PDLIM4: variants seen among roughly 807,000 people sequenced by gnomAD.
The protein encoded by PDLIM4 is PDZ and LIM domain protein 4.
Under a neutral mutation model 31.3 loss-of-function variants are expected in PDLIM4, and 19 were observed. The ratio of observed to expected loss-of-function variants is 0.61; its 90% confidence interval spans 0.42 to 0.89. PDLIM4 has a LOEUF of 0.89. Ranked by LOEUF, PDLIM4 falls within the 40% of genes least tolerant of loss-of-function variation. The pLI is 0.00. For synonymous variants in PDLIM4, 176 were observed against 190.1 expected (o/e 0.93, Z 0.61); for missense variants, 442 against 461.1 (o/e 0.96, Z 0.38).
rs916189842 is a variant in PDLIM4 at position 132,272,625 on chromosome 5, G to A, written c.*396G>A. 1.3e-5 allele frequency: 4 copies of A among 297,650 alleles called. No homozygotes were observed. Among genetic ancestry groups the A allele is most frequent in the Non-Finnish European group, 2.7e-5 (4 of 150,804 alleles). 18.4% of individuals were successfully genotyped at this position (297,650 alleles called of 1,614,324 possible). On this transcript the variant is annotated 3_prime_UTR_variant, in exon 7 of 7. Coordinates refer to ENST00000253754, the MANE Select transcript of PDLIM4 (RefSeq NM_003687.4). ...TAGCTGAGAACTAAGAGATGAGGGA[G>A]GCACAAACTCTGCACGGGGGAACTG...
rs1756592957 is a variant in PDLIM4 at position 132,270,931 on chromosome 5, C to A, written c.344C>A (p.Thr115Asn). The A allele has an allele frequency of 6.2e-7, 1 of 1,613,988 alleles. No homozygotes were observed. The highest frequency in any genetic ancestry group is 1.7e-5 in the Admixed American group (1 of 59,994). ...CTCTAATAGGACGGCAGCCCAACAA[C>A]CAGCAGGCGGCCCTCAGGCACCGGG... ...DPEIQDGSPT[T>N]SRRPSGTGTG... Residue 115 changes from threonine (T) to asparagine (N), a missense_variant, in exon 4 of 7, where the codon ACC becomes AAC. Thr to Asn is a moderately conservative substitution (Grantham distance 65). Coordinates refer to ENST00000253754, the MANE Select transcript of PDLIM4 (RefSeq NM_003687.4).
rs577513098 is a variant in PDLIM4, at chr5:132,265,708, C to T, written c.246-756C>T. On this transcript the variant is annotated intron_variant, in intron 2 of 6. Coordinates refer to ENST00000253754, the MANE Select transcript of PDLIM4 (RefSeq NM_003687.4). ...AGGGCATTATTCCCCTTTGGTCTAACCAGCCTCACCTCATACCCACCTGCC... is the reference window on the plus strand; with the variant it reads ...AGGGCATTATTCCCCTTTGGTCTAATCAGCCTCACCTCATACCCACCTGCC... Among the ~76,000 whole-genome samples, 3 of 152,326 alleles carry T rather than the reference C, an allele frequency of 2.0e-5. No individual in the cohort carries two copies. The East Asian group carries it at 5.8e-4, about 29-fold the overall frequency.
Position 132,272,106 on chromosome 5 carries a change from G to A in PDLIM4, c.870G>A (p.Gln290=), listed in dbSNP as rs1756637189. The A allele has an allele frequency of 1.2e-6, 2 of 1,614,130 alleles. No individual in the cohort carries two copies. The highest frequency in any genetic ancestry group is 1.7e-5 in the Admixed American group (1 of 60,018). ...GTGACTGCGGCCTGAACCTCAAGCA[G>A]CGTGGTTACTTCTTTCTGGACGAGC... ...MCSDCGLNLK[Q]RGYFFLDERL... The change falls in exon 7 of 7, where the codon CAG becomes CAA. Residue 290 remains glutamine, a synonymous_variant. Transcript: ENST00000253754.
At chr5:132,270,447 C>G (rs556629979) in intron 3 of PDLIM4, 7 of 163,394 alleles carry the variant, frequency 4.3e-5, no homozygotes, top group Admixed American at 1.2e-4. Context: ...ACAGGAGTTA[C>G]GTTTTTTGAG....
At chr5:132,267,446 A>G (rs1756515931) in intron 3 of PDLIM4, among the ~76,000 whole-genome samples, 1 of 152,208 alleles carries the variant, frequency 6.6e-6, no homozygotes, top group South Asian at 2.1e-4. Context: ...CCAGATGCTT[A>G]CCACCTTCCA....
At chr5:132,270,036 T>C (rs1342291864) in intron 3 of PDLIM4, among the ~76,000 whole-genome samples, 2 of 152,234 alleles carry the variant, frequency 1.3e-5, no homozygotes, top group African/African-American at 4.8e-5. Flanking sequence ...CCTGTTTACA[T>C]TGCTGTGGGG....
chr5:132,271,932 C>T lies in PDLIM4; in HGVS notation c.788+24C>T, dbSNP rs1251220115. The T allele has an allele frequency of 8.8e-6, 14 of 1,592,600 alleles. No homozygotes were observed. In the Admixed American group the frequency reaches 2.0e-4, roughly 23 times the overall value. ...GTGTGAGTAACCGCCCCCGCTGCCC[C>T]TCCCGGACCCTAGCCTTCCAGGGCC... On this transcript the variant is annotated intron_variant, in intron 6 of 6. Transcript: ENST00000253754.
Position 132,272,109 on chromosome 5 carries a change from T to C in PDLIM4, c.873T>C (p.Arg291=). 6.2e-7 allele frequency: 1 copy of C among 1,614,134 alleles called. No homozygotes were observed. The highest frequency in any genetic ancestry group is 8.5e-7 in the Non-Finnish European group (1 of 1,179,996). ...CSDCGLNLKQ[R]GYFFLDERLY... ...ACTGCGGCCTGAACCTCAAGCAGCG[T>C]GGTTACTTCTTTCTGGACGAGCGGC... The change falls in exon 7 of 7, where the codon CGT becomes CGC. Residue 291 remains arginine (R), a synonymous_variant. Transcript: ENST00000253754.
At chr5:132,265,330 A>G (rs1208177008) in intron 2 of PDLIM4, among the ~76,000 whole-genome samples, 2 of 152,218 alleles carry the variant, frequency 1.3e-5, no homozygotes, top group Non-Finnish European at 2.9e-5. Context: ...AAATAGCCAC[A>G]CAAGATGTCC....
In PDLIM4 at chr5:132,272,177, A is replaced by G; in HGVS notation, c.941A>G (p.Glu314Gly). The G allele has an allele frequency of 6.2e-7, 1 of 1,614,226 alleles. No homozygotes were observed. The highest frequency in any genetic ancestry group is 8.5e-7 in the Non-Finnish European group (1 of 1,180,036). Residue 314 changes from glutamate to glycine, a missense_variant, in exon 7 of 7, where the codon GAG becomes GGG. Coordinates refer to ENST00000253754, the MANE Select transcript of PDLIM4 (RefSeq NM_003687.4). Reference sequence around the variant, plus strand: ...GCCAAGGCGCGCGTGAAGCCGCCCGAGGGCTACGACGTGGTGGCGGTGTAC... The same window carrying G: ...GCCAAGGCGCGCGTGAAGCCGCCCGGGGGCTACGACGTGGTGGCGGTGTAC... ...SHAKARVKPPEGYDVVAVYPN... is the reference protein window; with the variant it reads ...SHAKARVKPPGGYDVVAVYPN...
chr5:132,257,697 G>C lies in PDLIM4; in HGVS notation c.-38G>C, dbSNP rs1236421949. On this transcript the variant is annotated 5_prime_UTR_variant, in exon 1 of 7. Coordinates refer to ENST00000253754, the MANE Select transcript of PDLIM4 (RefSeq NM_003687.4). This position sits in a 1 kb window ranked among gnomAD's most constrained non-coding sequence, Gnocchi z 4.3. ...CTGCGGCGGCGGCGGCTCCTCCTCA[G>C]AGTCCGGCTCAGGCTCCGGCTGCGG... The C allele has an allele frequency of 7.7e-7, 1 of 1,291,524 alleles. No homozygotes were observed. The highest frequency in any genetic ancestry group is 1.0e-6 in the Non-Finnish European group (1 of 972,032). The allele number at this position is 1,291,524 out of a possible 1,614,324, so 80.0% of individuals were successfully genotyped here. A position where few individuals can be genotyped will look rare whatever the true frequency, so the allele number is the denominator to read the frequency against.
chr5:132,258,431 C>T (rs1756292836), intron 1 of PDLIM4, among the ~76,000 whole-genome samples: 1 of 152,220 alleles, frequency 6.6e-6, no homozygotes, highest in Admixed American at 6.5e-5. Flanking sequence ...TTGTGAGACC[C>T]CTCCCCACAA....
At position 132,270,845 on chromosome 5, in the gene PDLIM4, G is replaced by C. The variant is rs546276536; in HGVS notation, c.328-70G>C. 10 of 1,366,002 alleles carry C rather than the reference G, an allele frequency of 7.3e-6. No individual in the cohort carries two copies. The African/African-American group carries it at 1.3e-4, about 17-fold the overall frequency. 84.6% of individuals were successfully genotyped at this position (1,366,002 alleles called of 1,614,324 possible). A position where few individuals can be genotyped will look rare whatever the true frequency, so the allele number is the denominator to read the frequency against. ...ACCACCTGGCACAGCACAGCAGGGTGGGGGTGGGGTGAACAAGGAATGGCT... is the reference window on the plus strand; with the variant it reads ...ACCACCTGGCACAGCACAGCAGGGTCGGGGTGGGGTGAACAAGGAATGGCT... On this transcript the variant is annotated intron_variant, in intron 3 of 6. Coordinates refer to ENST00000253754, the MANE Select transcript of PDLIM4 (RefSeq NM_003687.4).
chr5:132,259,843 A>G (rs1337582753), intron 1 of PDLIM4, among the ~76,000 whole-genome samples: 1 of 152,160 alleles, frequency 6.6e-6, no homozygotes, highest in African/African-American at 2.4e-5. Flanking sequence ...CTCCTTCCCC[A>G]CAAGCTATAA....
chr5:132,257,762 C>A lies in PDLIM4; in HGVS notation c.28C>A (p.Pro10Thr). 2.7e-6 allele frequency: 4 copies of A among 1,501,070 alleles called. No individual in the cohort carries two copies. The highest frequency in any genetic ancestry group is 3.5e-6 in the Non-Finnish European group (4 of 1,130,216). The allele number at this position is 1,501,070 out of a possible 1,614,324, so 93.0% of individuals were successfully genotyped here. The change falls in exon 1 of 7, where the codon CCT becomes ACT. Residue 10 changes from proline to threonine, a missense_variant. By Grantham distance (38) the Pro-to-Thr change is conservative. Transcript: ENST00000253754. The surrounding 1 kb of genome is among the most constrained non-coding windows in gnomAD (Gnocchi z 4.3). MPHSVTLRG[P>T]SPWGFRLVGG... is the part of the protein sequence containing the mutation. ...GCCCCATTCCGTGACCCTGCGCGGGCCTTCGCCCTGGGGCTTCCGCCTGGT... is the reference window on the plus strand; with the variant it reads ...GCCCCATTCCGTGACCCTGCGCGGGACTTCGCCCTGGGGCTTCCGCCTGGT...
chr5:132,270,826 T>C lies in PDLIM4; in HGVS notation c.328-89T>C, dbSNP rs962377755. On this transcript the variant is annotated intron_variant, in intron 3 of 6. Transcript: ENST00000253754. The stretch of plus-strand genomic sequence containing the variant: ...AGGAAGCCAACTGACATCCACCACC[T>C]GGCACAGCACAGCAGGGTGGGGGTG... The C allele has an allele frequency of 4.2e-6, 5 of 1,182,618 alleles. No individual in the cohort carries two copies. In the African/African-American group the frequency reaches 6.0e-5, roughly 14 times the overall value. The allele number at this position is 1,182,618 out of a possible 1,614,324, so 73.3% of individuals were successfully genotyped here. A position where few individuals can be genotyped will look rare whatever the true frequency, so the allele number is the denominator to read the frequency against.
chr5:132,264,051 A>G (rs1756435681), intron 2 of PDLIM4, among the ~76,000 whole-genome samples: 1 of 152,114 alleles, frequency 6.6e-6, no homozygotes, highest in Admixed American at 6.5e-5. Context: ...AAGCTTCCCC[A>G]CTTGGCTGGG....
At chr5:132,258,468 A>C (rs1253224114) in intron 1 of PDLIM4, among the ~76,000 whole-genome samples, 1 of 152,230 alleles carries the variant, frequency 6.6e-6, no homozygotes, top group Non-Finnish European at 1.5e-5. Context: ...GGGCCAGGAC[A>C]GCCTCAGGCC....
intron 2 of PDLIM4, among the ~76,000 whole-genome samples, chr5:132,265,892 A>G (rs1756481418): frequency 6.6e-6 from 1 of 152,062 alleles, no homozygotes; most frequent in African/African-American, 2.4e-5. Context: ...TTTGGTTTCT[A>G]TGGCGAAGCA....
Sources: gnomAD v4.1 joint callset for allele counts (sites outside exome capture counted in the v4.1 genomes callset) on GRCh38, gnomAD v4.1.1 for gene constraint, Gnocchi (gnomAD v3.1) non-coding constraint, MANE v1.5 for transcripts, NCBI Gene and HGNC (gene_info 2026-07-23, HGNC 2026-07-21) for gene names.